Variants in ZNF440 observed in about 807,000 individuals in gnomAD.
ZNF440 encodes the protein zinc finger protein 440.
A neutral mutation model predicts 49.7 loss-of-function variants in ZNF440; 47 were observed. The ratio of observed to expected loss-of-function variants is 0.95; its 90% CI spans 0.75 to 1.21. The LOEUF (loss-of-function observed/expected upper bound fraction) is 1.21, where lower values mean the gene tolerates loss of function less well. Among genes scored for constraint, ZNF440 ranks in the 50% most tolerant of loss-of-function variants. The pLI is 0.00. For missense variants in ZNF440, 703 were observed against 715.0 expected (o/e 0.98, Z 0.19); for synonymous variants, 255 against 237.7 (o/e 1.07, Z -0.67).
In ZNF440 at chr19:11,834,138, T is replaced by A; in HGVS notation, c.*1174T>A. 1 of 292,492 alleles carries A rather than the reference T, an allele frequency of 3.4e-6. No individual in the cohort carries two copies. Among genetic ancestry groups the A allele is most frequent in the Non-Finnish European group, 6.6e-6 (1 of 150,840 alleles). 18.1% of individuals were successfully genotyped at this position (292,492 alleles called of 1,614,324 possible). A position where few individuals can be genotyped will look rare whatever the true frequency, so the allele number is the denominator to read the frequency against. ...ACCTTAATTTTTCTTTCTTTTTTTT[T>A]TTCCCCCAGAAAGAATCTCACTCTG... On this transcript the variant is annotated 3_prime_UTR_variant, in exon 4 of 4. Coordinates refer to ENST00000304060, the MANE Select transcript of ZNF440 (RefSeq NM_152357.3).
chr19:11,826,609 C>T (rs1259902874), intron 1 of ZNF440, among the ~76,000 whole-genome samples: 1 of 152,010 alleles, frequency 6.6e-6, no homozygotes, highest in Non-Finnish European at 1.5e-5. Context: ...TTAGCTACTC[C>T]ACCAGGTATT....
At chr19:11,819,478 A>G (rs1975772967) in intron 1 of ZNF440, among the ~76,000 whole-genome samples, 1 of 152,206 alleles carries the variant, frequency 6.6e-6, no homozygotes, top group Admixed American at 6.5e-5. Flanking sequence ...GGCCCACCGC[A>G]GCCTCTGCCT....
At chr19:11,824,706 C>CTTTTT (rs71166634) in intron 1 of ZNF440, among the ~76,000 whole-genome samples, 6 of 120,534 alleles carry the variant, frequency 5.0e-5, no homozygotes, top group Non-Finnish European at 6.8e-5. Flanking sequence ...CCCCACCACC[C>CTTTTT]TTTTTTTTTT....
At chr19:11,825,891 C>T (rs1220191979) in intron 1 of ZNF440, among the ~76,000 whole-genome samples, 1 of 149,150 alleles carries the variant, frequency 6.7e-6, no homozygotes, top group Non-Finnish European at 1.5e-5. Context: ...TCTTGGCTCA[C>T]TGCACCCTCC....
intron 1 of ZNF440, among the ~76,000 whole-genome samples, chr19:11,829,104 C>T (rs1254256533): frequency 1.3e-5 from 2 of 152,102 alleles, no homozygotes; most frequent in African/African-American, 4.8e-5. Context: ...ACTGCCACCT[C>T]AGGAAGGTCG....
chr19:11,830,071 T>C (rs954071984), intron 1 of ZNF440: 28 of 963,972 alleles, frequency 2.9e-5, no homozygotes, highest in African/African-American at 1.2e-4. Flanking sequence ...GATCATGCCA[T>C]TGCACTGCAG....
At chr19:11,828,478 C>A (rs571096683) in intron 1 of ZNF440, among the ~76,000 whole-genome samples, 198 of 152,238 alleles carry the variant, frequency 1.3e-3, no homozygotes, top group Middle Eastern at 3.4e-3. Context: ...AGCCACCATG[C>A]CTGGCTGCTA....
rs549650359 is a variant in ZNF440 at position 11,814,827 on chromosome 19, A to G, written c.3+377A>G. Among the ~76,000 whole-genome samples the G allele has an allele frequency of 1.5e-3, 226 of 152,318 alleles. 1 individual carries two copies. Among genetic ancestry groups the G allele is most frequent in the Non-Finnish European group, 2.9e-4 (20 of 68,022 alleles). On this transcript the variant is annotated intron_variant, in intron 1 of 3. Coordinates refer to ENST00000304060, the MANE Select transcript of ZNF440 (RefSeq NM_152357.3). ...AGCAAAGCAAATTTATTTCTACACAAGGGTGCAGCTTGCGCCAGTCACAAG... is the reference window on the plus strand; with the variant it reads ...AGCAAAGCAAATTTATTTCTACACAGGGGTGCAGCTTGCGCCAGTCACAAG...
chr19:11,816,369 CG>C (rs1568237897), intron 1 of ZNF440: 4 of 152,210 alleles, frequency 2.6e-5, no homozygotes, highest in Non-Finnish European at 5.9e-5. Flanking sequence ...AATTCTAAGG[CG>C]TAACTTTACC....
intron 1 of ZNF440, among the ~76,000 whole-genome samples, chr19:11,815,128 T>A (rs1207654616): frequency 6.6e-6 from 1 of 151,562 alleles, no homozygotes; most frequent in Non-Finnish European, 1.5e-5. Flanking sequence ...TACAAAAAAA[T>A]TAACTGGGTA....
At chr19:11,824,176 C>A (rs1975833408) in intron 1 of ZNF440, among the ~76,000 whole-genome samples, 1 of 129,858 alleles carries the variant, frequency 7.7e-6, no homozygotes, top group South Asian at 2.3e-4. Context: ...GAATGATACC[C>A]TGTTTCAAAA....
At chr19:11,824,706 CTTTTTT>C (rs71166634) in intron 1 of ZNF440, among the ~76,000 whole-genome samples, 1 of 120,544 alleles carries the variant, frequency 8.3e-6, no homozygotes, top group South Asian at 2.6e-4. Flanking sequence ...CCCCACCACC[CTTTTTT>C]TTTTTTTTTT....
At chr19:11,823,670 A>G (rs1433137610) in intron 1 of ZNF440, among the ~76,000 whole-genome samples, 1 of 152,000 alleles carries the variant, frequency 6.6e-6, no homozygotes, top group Non-Finnish European at 1.5e-5. Context: ...ATTAGTTTTA[A>G]TAGAAATTAG....
chr19:11,830,538 A>T, intron 2 of ZNF440, 79 bp from the exon 3 acceptor site: 29 of 1,598,462 alleles, frequency 1.8e-5, no homozygotes, highest in Non-Finnish European at 2.4e-5. Flanking sequence ...GGCTGCAGTA[A>T]ATCATGGGCG....
intron 1 of ZNF440, among the ~76,000 whole-genome samples, chr19:11,829,808 G>C (rs1400029312): frequency 6.7e-6 from 1 of 150,374 alleles, no homozygotes; most frequent in Admixed American, 6.6e-5. Flanking sequence ...ACTCCAGCCT[G>C]GGTAACAGAA....
intron 1 of ZNF440, 176 bp from the exon 2 acceptor site, chr19:11,830,107 A>G (rs569766745): frequency 1.5e-6 from 2 of 1,359,870 alleles, no homozygotes; most frequent in East Asian, 2.4e-5. Flanking sequence ...TGAAAAAAAA[A>G]ACAAGTTGCT....
chr19:11,815,296 A>ACACACG (rs966336174), intron 1 of ZNF440, among the ~76,000 whole-genome samples: 4 of 150,342 alleles, frequency 2.7e-5, no homozygotes, highest in African/African-American at 9.8e-5. Flanking sequence ...ACACACACAC[A>ACACACG]CACACACACA....
intron 1 of ZNF440, among the ~76,000 whole-genome samples, chr19:11,826,304 G>A (rs888949354): frequency 4.6e-5 from 7 of 151,312 alleles, no homozygotes; most frequent in East Asian, 1.9e-4. Flanking sequence ...GGTAGATACC[G>A]TGTGAGACCT....
chr19:11,817,049 C>T (rs996093443), intron 1 of ZNF440: 8 of 152,198 alleles, frequency 5.3e-5, no homozygotes, highest in Admixed American at 5.2e-4. Context: ...CTTATTTGGA[C>T]TTGTCAACCC....
Sources: allele counts gnomAD v4.1 joint callset (sites outside exome capture counted in the v4.1 genomes callset), GRCh38; gene constraint gnomAD v4.1.1; transcripts MANE v1.5; gene names NCBI Gene and HGNC (gene_info 2026-07-23, HGNC 2026-07-21).